GDPD5: variants seen among roughly 807,000 people sequenced by gnomAD.
GDPD5 encodes the protein glycerophosphodiester phosphodiesterase domain containing 5, also known as glycerophosphodiester phosphodiesterase 2.
A neutral mutation model predicts 75.1 loss-of-function variants in GDPD5; 48 were observed. The ratio of observed to expected loss-of-function variants is 0.64; its 90% CI spans 0.51 to 0.81. The LOEUF (loss-of-function observed/expected upper bound fraction) is 0.81, where lower values mean the gene tolerates loss of function less well. Among genes scored for constraint, GDPD5 ranks in the 40% least tolerant of loss-of-function variants. GDPD5 has a pLI of 0.00. For synonymous variants in GDPD5, 336 were observed against 339.0 expected (o/e 0.99, Z 0.10); for missense variants, 706 against 822.6 (o/e 0.86, Z 1.73).
At chr11:75,453,616 T>TAAAAAA (rs59758693) in intron 6 of GDPD5, among the ~76,000 whole-genome samples, 2 of 136,904 alleles carry the variant, frequency 1.5e-5, no homozygotes, top group Admixed American at 7.3e-5. Context: ...AGACTGTCTC[T>TAAAAAA]AAAAAAAAAA....
At chr11:75,521,459 C>T in intron 1 of GDPD5, among the ~76,000 whole-genome samples, 1 of 152,116 alleles carries the variant, frequency 6.6e-6, no homozygotes, top group East Asian at 1.9e-4. Flanking sequence ...GCCCCAGTTT[C>T]TAGGGGATAA....
At chr11:75,482,025 C>T (rs886605421) in intron 2 of GDPD5, among the ~76,000 whole-genome samples, 3 of 152,228 alleles carry the variant, frequency 2.0e-5, no homozygotes, top group African/African-American at 2.4e-5. Context: ...CTGCAATGCA[C>T]GTGGGAGCCC....
At chr11:75,507,487 G>C (rs975434154) in intron 1 of GDPD5, among the ~76,000 whole-genome samples, 1 of 152,252 alleles carries the variant, frequency 6.6e-6, no homozygotes, top group Admixed American at 6.5e-5. Flanking sequence ...TTCCCAGGCT[G>C]GGGGGCACTG....
intron 2 of GDPD5, among the ~76,000 whole-genome samples, chr11:75,487,520 G>A (rs1950040727): frequency 6.6e-6 from 1 of 152,230 alleles, no homozygotes; most frequent in Non-Finnish European, 1.5e-5. Flanking sequence ...AGTGGCTGAG[G>A]CTGGGGCTCA....
intron 6 of GDPD5, among the ~76,000 whole-genome samples, chr11:75,454,575 G>C (rs540060534): frequency 8.5e-4 from 129 of 152,376 alleles, no homozygotes; most frequent in Non-Finnish European, 1.5e-3. Flanking sequence ...GAACTGGCTA[G>C]ACGCCTAGGG....
chr11:75,447,452 C>G (rs981765934), intron 9 of GDPD5, among the ~76,000 whole-genome samples: 4 of 151,936 alleles, frequency 2.6e-5, no homozygotes, highest in African/African-American at 9.7e-5. Context: ...ATGGGTAAGA[C>G]GATGCGATGC....
At chr11:75,485,066 T>C (rs1245618294) in intron 2 of GDPD5, among the ~76,000 whole-genome samples, 4 of 152,178 alleles carry the variant, frequency 2.6e-5, no homozygotes, top group African/African-American at 9.7e-5. Context: ...TGAAAACATA[T>C]TGCTAAGTGA....
intron 9 of GDPD5, among the ~76,000 whole-genome samples, chr11:75,444,914 TA>T (rs1948947815): frequency 1.3e-5 from 2 of 152,080 alleles, no homozygotes; most frequent in South Asian, 4.1e-4. Context: ...AAATTCAGGT[TA>T]TACCCTTGGT....
intron 6 of GDPD5, chr11:75,452,348 A>G (rs1949182197): frequency 6.6e-6 from 1 of 152,252 alleles, no homozygotes; most frequent in Non-Finnish European, 1.5e-5. Flanking sequence ...GATAGTGAGT[A>G]CCTACCTGGA....
intron 12 of GDPD5, among the ~76,000 whole-genome samples, chr11:75,442,072 T>C (rs1043162903): frequency 2.6e-5 from 4 of 152,254 alleles, no homozygotes; most frequent in South Asian, 4.1e-4. Flanking sequence ...TAGCACCTAG[T>C]GTGCCGTCCT....
intron 1 of GDPD5, among the ~76,000 whole-genome samples, chr11:75,491,628 C>T (rs188729256): frequency 1.3e-5 from 2 of 152,326 alleles, no homozygotes; most frequent in East Asian, 1.9e-4. Context: ...AGTCGAACTA[C>T]ACAAGTTAGA....
intron 2 of GDPD5, among the ~76,000 whole-genome samples, chr11:75,487,388 A>T (rs1950038408): frequency 6.6e-6 from 1 of 152,094 alleles, no homozygotes; most frequent in Non-Finnish European, 1.5e-5. Context: ...GCCAGTGGGG[A>T]GAGGCTCGGG....
chr11:75,492,867 C>T (rs922410331), intron 1 of GDPD5, among the ~76,000 whole-genome samples: 1 of 151,878 alleles, frequency 6.6e-6, no homozygotes, highest in Non-Finnish European at 1.5e-5. Context: ...CGAGTAGCTG[C>T]GATTACAGAC....
chr11:75,447,267 A>G (rs1565185604), intron 9 of GDPD5, among the ~76,000 whole-genome samples: 1 of 152,234 alleles, frequency 6.6e-6, no homozygotes, highest in Non-Finnish European at 1.5e-5. Context: ...CTGATTTTTA[A>G]CAACTAAACT....
intron 7 of GDPD5, 87 bp downstream of exon 7, chr11:75,449,798 C>T: frequency 6.9e-7 from 1 of 1,450,258 alleles, no homozygotes. Flanking sequence ...GGGCGCCTCC[C>T]TGCCCTTCTT....
At chr11:75,510,338 G>A (rs1377721109) in intron 1 of GDPD5, among the ~76,000 whole-genome samples, 1 of 152,216 alleles carries the variant, frequency 6.6e-6, no homozygotes, top group Non-Finnish European at 1.5e-5. Flanking sequence ...AGGAACCCGA[G>A]GCCTACAGAG....
chr11:75,441,632 G>A lies in GDPD5; in HGVS notation c.1325+14C>T. The A allele has an allele frequency of 1.3e-6, 2 of 1,553,144 alleles. No homozygotes were observed. The highest frequency in any genetic ancestry group is 1.7e-6 in the Non-Finnish European group (2 of 1,151,140). On this transcript the variant is annotated intron_variant, in intron 13 of 16. Transcript: ENST00000336898. ...CCCACCCTCTCCTGGAGGAGCCCAGGGCAGGGCAGGCACCTGAGCTCCTGG... is the reference window on the plus strand; with the variant it reads ...CCCACCCTCTCCTGGAGGAGCCCAGAGCAGGGCAGGCACCTGAGCTCCTGG...
intron 15 of GDPD5, 143 bp downstream of exon 15, chr11:75,439,736 G>A: frequency 1.4e-6 from 1 of 692,698 alleles, no homozygotes; most frequent in Non-Finnish European, 2.6e-6. Context: ...GGAGGATGGG[G>A]CCACCGGAGT....
intron 1 of GDPD5, among the ~76,000 whole-genome samples, chr11:75,521,570 A>G (rs564013491): frequency 6.6e-6 from 1 of 152,206 alleles, no homozygotes; most frequent in Non-Finnish European, 1.5e-5. Context: ...GCTGTTGTTG[A>G]TATCATCACT....
Sources: allele counts gnomAD v4.1 joint callset (sites outside exome capture counted in the v4.1 genomes callset), GRCh38; gene constraint gnomAD v4.1.1; transcripts MANE v1.5; gene names NCBI Gene and HGNC (gene_info 2026-07-23, HGNC 2026-07-21).